DNAAF5: variants seen among roughly 807,000 people sequenced by gnomAD.
DNAAF5 encodes dynein axonemal assembly factor 5.
Under a neutral mutation model 75.8 loss-of-function variants are expected in DNAAF5, and 64 were observed. That is an observed-to-expected ratio of 0.84 (90% CI 0.69 to 1.04). The LOEUF (loss-of-function observed/expected upper bound fraction) is 1.04. DNAAF5 is among the 50% of genes least tolerant of loss of function. The pLI is 0.00. For missense variants in DNAAF5, 1,269 were observed against 1,178.5 expected (o/e 1.08, Z -1.12); for synonymous variants, 657 against 557.2 (o/e 1.18, Z -2.52).
At chr7:769,387 A>T (rs1398520769) in intron 8 of DNAAF5, among the ~76,000 whole-genome samples, 1 of 152,060 alleles carries the variant, frequency 6.6e-6, no homozygotes, top group African/African-American at 2.4e-5. Flanking sequence ...CCTGTCATTC[A>T]TGGAGACTTA....
At chr7:747,714 G>A (rs557572695) in intron 4 of DNAAF5, among the ~76,000 whole-genome samples, 24 of 100,530 alleles carry the variant, frequency 2.4e-4, no homozygotes, top group African/African-American at 7.8e-4. Context: ...GGTGTTGGTG[G>A]GGTTTGCTGG....
At chr7:741,835 TG>T (rs940662880) in intron 4 of DNAAF5, among the ~76,000 whole-genome samples, 2 of 152,082 alleles carry the variant, frequency 1.3e-5, no homozygotes, top group Admixed American at 1.3e-4. Context: ...TGCTGGTGGT[TG>T]GGGGGTGTTG....
chr7:740,982 C>G (rs374059981), intron 3 of DNAAF5, 39 bp downstream of exon 3: 5 of 1,604,914 alleles, frequency 3.1e-6, no homozygotes, highest in Non-Finnish European at 3.4e-6. Flanking sequence ...TCTTCCTAAA[C>G]GGTCATGTGT....
chr7:785,485 TG>T, intron 12 of DNAAF5, 31 bp from the exon 13 acceptor site: 1 of 1,605,536 alleles, frequency 6.2e-7, no homozygotes, highest in Non-Finnish European at 8.5e-7. Flanking sequence ...TGTTTGTTTC[TG>T]GCATGTTCAA....
At chr7:733,176 G>A (rs549057243) in intron 2 of DNAAF5, among the ~76,000 whole-genome samples, 12 of 152,270 alleles carry the variant, frequency 7.9e-5, no homozygotes, top group South Asian at 2.1e-4. Context: ...TGTTCTGGTC[G>A]CTGTAGCTCT....
chr7:743,080 C>T (rs1781965408), intron 4 of DNAAF5, among the ~76,000 whole-genome samples: 2 of 152,232 alleles, frequency 1.3e-5, no homozygotes, highest in South Asian at 4.1e-4. Context: ...AAAGTAGCTT[C>T]TTGGCCGGGC....
At chr7:746,479 A>G (rs546861348) in intron 4 of DNAAF5, among the ~76,000 whole-genome samples, 20 of 65,012 alleles carry the variant, frequency 3.1e-4, no homozygotes, top group South Asian at 1.3e-3. Context: ...CCCCCCACCC[A>G]ACATGCCCAG....
intron 6 of DNAAF5, 81 bp from the exon 7 acceptor site, chr7:761,672 G>A: frequency 1.4e-6 from 2 of 1,428,324 alleles, no homozygotes; most frequent in South Asian, 2.7e-5. Flanking sequence ...GGGATTATGG[G>A]AGCTACAGTT....
At chr7:770,656 G>A in intron 9 of DNAAF5, 38 bp downstream of exon 9, 1 of 1,597,878 alleles carries the variant, frequency 6.3e-7, no homozygotes, top group South Asian at 1.1e-5. Context: ...CCCCCAGCTG[G>A]GGCCTGGGCC....
At chr7:766,902 G>A (rs925330779) in intron 8 of DNAAF5, among the ~76,000 whole-genome samples, 1 of 152,118 alleles carries the variant, frequency 6.6e-6, no homozygotes, top group African/African-American at 2.4e-5. Flanking sequence ...AAATAGAGTG[G>A]GAACTATCCA....
chr7:766,799 G>A (rs981754388), intron 8 of DNAAF5, among the ~76,000 whole-genome samples: 1 of 152,066 alleles, frequency 6.6e-6, no homozygotes. Context: ...AACAGAGAGA[G>A]ACCATGATTC....
chr7:776,331 A>C (rs1290164534), intron 11 of DNAAF5, among the ~76,000 whole-genome samples: 1 of 152,050 alleles, frequency 6.6e-6, no homozygotes, highest in Non-Finnish European at 1.5e-5. Context: ...GCCAGACTCC[A>C]TCTCAAAAAA....
Position 743,485 on chromosome 7 carries a change from G to A in DNAAF5, c.1024+2020G>A, listed in dbSNP as rs1224118354. Among the ~76,000 whole-genome samples the A allele has an allele frequency of 5.3e-5, 8 of 152,088 alleles. No homozygotes were observed. The East Asian group carries it at 1.5e-3, about 29-fold the overall frequency. On this transcript the variant is annotated intron_variant, in intron 4 of 12. Coordinates refer to ENST00000297440, the MANE Select transcript of DNAAF5 (RefSeq NM_017802.4). ...CTCCTCCCGAGCCTGTGAATCACAG[G>A]GTTGCTTTTCCTCCCGGTCGGCATT...
chr7:777,241 T>C (rs1778792294), intron 11 of DNAAF5, among the ~76,000 whole-genome samples: 1 of 152,090 alleles, frequency 6.6e-6, no homozygotes, highest in Non-Finnish European at 1.5e-5. Flanking sequence ...GAAAATTGTC[T>C]TCCATGAAAC....
intron 11 of DNAAF5, chr7:778,555 C>T (rs1778837248): frequency 6.6e-6 from 1 of 152,312 alleles, no homozygotes; most frequent in Non-Finnish European, 1.5e-5. Context: ...TGCAGGCCAT[C>T]CAGGGAGTGA....
At chr7:763,750 G>T in intron 7 of DNAAF5, 56 bp from the exon 8 acceptor site, 1 of 1,576,346 alleles carries the variant, frequency 6.3e-7, no homozygotes. Context: ...CAGCAGGCAG[G>T]CAGGCTTGAG....
chr7:739,591 G>A (rs540728356), intron 2 of DNAAF5, among the ~76,000 whole-genome samples: 364 of 152,330 alleles, frequency 2.4e-3, no homozygotes, highest in Middle Eastern at 0.01. Context: ...CCTGCTGCTC[G>A]CACGCCGAGA....
Position 726,755 on chromosome 7 carries a change from C to T in DNAAF5, c.35C>T (p.Ala12Val). The change falls in exon 1 of 13, where the codon GCC becomes GTC. Residue 12 changes from alanine to valine, a missense_variant. Physicochemically the swap from Ala to Val is moderately conservative, Grantham distance 64 (BLOSUM62 0). Transcript: ENST00000297440. ...CTGGGGGTGGCGGAGGCCGTGGCGG[C>T]CCCACACCCGGCTGAGGGGGCCGAG... is the stretch of plus-strand genomic sequence containing the variant. The part of the protein sequence containing the change: ...AALGVAEAVA[A>V]PHPAEGAETA... 1 of 1,255,084 alleles carries T rather than the reference C, an allele frequency of 8.0e-7. No individual in the cohort carries two copies. The highest frequency in any genetic ancestry group is 1.0e-6 in the Non-Finnish European group (1 of 1,001,668). The allele number at this position is 1,255,084 out of a possible 1,614,324, so 77.7% of individuals were successfully genotyped here.
chr7:756,871 T>G lies in DNAAF5; in HGVS notation c.1347T>G (p.Ser449=). 6.2e-7 allele frequency: 1 copy of G among 1,613,832 alleles called. No homozygotes were observed. Among genetic ancestry groups the G allele is most frequent in the Admixed American group, 1.7e-5 (1 of 60,038 alleles). ...TATCGACGCTGAAGAAGACGCCCTC[T>G]GCCTCCGGCCTCCTGGTGCTGGCCT... The part of the protein sequence containing the change: ...LILSTLKKTP[S]ASGLLVLASA... The change falls in exon 6 of 13, where the codon TCT becomes TCG. Residue 449 remains serine (S), a synonymous_variant. Transcript: ENST00000297440.
Sources: allele counts gnomAD v4.1 joint callset (sites outside exome capture counted in the v4.1 genomes callset), GRCh38; gene constraint gnomAD v4.1.1; transcripts MANE v1.5; gene names NCBI Gene and HGNC (gene_info 2026-07-23, HGNC 2026-07-21).